EGFL8: variants seen among roughly 807,000 people sequenced by gnomAD.
EGFL8 encodes epidermal growth factor-like protein 8.
In EGFL8, 32 loss-of-function variants were observed where a neutral mutation model predicts 39.4. The observed-to-expected ratio is 0.81, with a 90% CI of 0.61 to 1.09. EGFL8 has a LOEUF of 1.09. Among genes scored for constraint, EGFL8 ranks in the 50% least tolerant of loss-of-function variants. The pLI is 0.00. For synonymous variants in EGFL8, 177 were observed against 168.5 expected, an observed-to-expected ratio of 1.05 and a Z score of -0.39; for missense variants, 385 against 402.2, an observed-to-expected ratio of 0.96 and a Z score of 0.37.
In EGFL8 at chr6:32,166,666, G is replaced by A. The variant is rs779034202; in HGVS notation, c.225-35G>A. The A allele has an allele frequency of 6.8e-6, 11 of 1,614,058 alleles. No homozygotes were observed. The highest frequency in any genetic ancestry group is 3.3e-5 in the Admixed American group (2 of 60,022). The stretch of plus-strand genomic sequence containing the variant: ...ACCCCAAGAACCCCAACTAGGACCC[G>A]TACTCAGGGTCCTGAGCCGGGCGCT... On this transcript the variant is annotated intron_variant, in intron 3 of 8. Transcript: ENST00000333845. The surrounding 1 kb of genome is among the most constrained non-coding windows in gnomAD (Gnocchi z 7.3).
At position 32,166,584 on chromosome 6, in the gene EGFL8, C is replaced by T. The variant is rs1384252206; in HGVS notation, c.188C>T (p.Thr63Ile). The T allele has an allele frequency of 1.9e-6, 3 of 1,614,092 alleles. No individual in the cohort carries two copies. The African/African-American group carries it at 4.0e-5, about 22-fold the overall frequency. Reference protein sequence around the residue: ...YSQPVYKPYLTLCAGRRICST... With the variant: ...YSQPVYKPYLILCAGRRICST... ...CAACCAGTGTACAAGCCCTACCTGACCTTGTGCGCTGGGAGGCGCATCTGC... is the reference window on the plus strand; with the variant it reads ...CAACCAGTGTACAAGCCCTACCTGATCTTGTGCGCTGGGAGGCGCATCTGC... Residue 63 changes from threonine (T) to isoleucine (I), a missense_variant, in exon 3 of 9, where the codon ACC becomes ATC. Transcript: ENST00000333845. The surrounding 1 kb of genome is among the most constrained non-coding windows in gnomAD (Gnocchi z 7.3).
In EGFL8 at chr6:32,168,029, C is replaced by A; in HGVS notation, c.*73C>A. The A allele has an allele frequency of 1.4e-6, 2 of 1,453,824 alleles. No individual in the cohort carries two copies. The highest frequency in any genetic ancestry group is 1.9e-6 in the Non-Finnish European group (2 of 1,035,382). The allele number at this position is 1,453,824 out of a possible 1,614,324, so 90.1% of individuals were successfully genotyped here. A position where few individuals can be genotyped will look rare whatever the true frequency, so the allele number is the denominator to read the frequency against. On this transcript the variant is annotated 3_prime_UTR_variant, in exon 9 of 9. Coordinates refer to ENST00000333845, the MANE Select transcript of EGFL8 (RefSeq NM_030652.4). The surrounding 1 kb of genome is among the most constrained non-coding windows in gnomAD (Gnocchi z 4.5). ...CCACTAATCCTCTGGGATTGGCCGA[C>A]TGTGAGCTGCAGATAAGGCTATCAG...
Position 32,166,238 on chromosome 6 carries a change from G to A in EGFL8, c.73G>A (p.Gly25Arg). The change falls in exon 2 of 9, where the codon GGG (glycine) becomes AGG (arginine). Residue 25 changes from glycine (G) to arginine (R), a missense_variant. Gly to Arg is a moderately radical substitution (Grantham distance 125). Coordinates refer to ENST00000333845, the MANE Select transcript of EGFL8 (RefSeq NM_030652.4). The surrounding 1 kb of genome is among the most constrained non-coding windows in gnomAD (Gnocchi z 7.3). Reference protein sequence around the residue: ...SFLLLLIPGEGAKGGSLRESQ... With the variant: ...SFLLLLIPGERAKGGSLRESQ... ...CCTCCTGCTACTGATACCAGGCGAG[G>A]GGGCCAAGGGTGGATCCCTCAGAGA... 1.2e-6 allele frequency: 2 copies of A among 1,614,108 alleles called. No individual in the cohort carries two copies. The highest frequency in any genetic ancestry group is 1.7e-6 in the Non-Finnish European group (2 of 1,179,996).
chr6:32,165,563 ACAAAAAAAAAAC>A (rs1784417888), intron 1 of EGFL8: 1 of 141,756 alleles, frequency 7.1e-6, no homozygotes, highest in African/African-American at 2.5e-5. Context: ...AAAAACAACA[ACAAAAAAAAAAC>A]CAAAAAAAAA....
Position 32,166,703 on chromosome 6 carries a change from C to G in EGFL8, c.227C>G (p.Thr76Ser). 6.2e-7 allele frequency: 1 copy of G among 1,609,332 alleles called. No individual in the cohort carries two copies. Among genetic ancestry groups the G allele is most frequent in the Non-Finnish European group, 8.5e-7 (1 of 1,176,740 alleles). The change falls in exon 4 of 9, where the codon ACC becomes AGC. Residue 76 changes from threonine (T) to serine (S), a missense_variant and splice_region_variant. Physicochemically the swap from Thr to Ser is moderately conservative, Grantham distance 58 (BLOSUM62 1). Coordinates refer to ENST00000333845, the MANE Select transcript of EGFL8 (RefSeq NM_030652.4). This position sits in a 1 kb window ranked among gnomAD's most constrained non-coding sequence, Gnocchi z 7.3. ...CTGAGCCGGGCGCTGTGTTCCAGGA[C>G]CATGTACCGCGTTATGTGGCGGGAG... ...AGRRICSTYR[T>S]MYRVMWREVR...
At position 32,168,010 on chromosome 6, in the gene EGFL8, A is replaced by C; in HGVS notation, c.*54A>C. 1.3e-6 allele frequency: 2 copies of C among 1,560,380 alleles called. No homozygotes were observed. Among genetic ancestry groups the C allele is most frequent in the Admixed American group, 1.7e-5 (1 of 59,624 alleles). On this transcript the variant is annotated 3_prime_UTR_variant, in exon 9 of 9. Coordinates refer to ENST00000333845, the MANE Select transcript of EGFL8 (RefSeq NM_030652.4). The surrounding 1 kb of genome is among the most constrained non-coding windows in gnomAD (Gnocchi z 4.5). ...ATTTATACAGAAACCGGACCCACTA[A>C]TCCTCTGGGATTGGCCGACTGTGAG...
chr6:32,166,019 G>A lies in EGFL8; in HGVS notation c.-28-119G>A, dbSNP rs942037934. ...TGTAGGCAATCCTGGTGGCTAGTAT[G>A]TAAAAGTGAATGTCCTGACTCCCTT... is the stretch of plus-strand genomic sequence containing the variant. On this transcript the variant is annotated intron_variant, in intron 1 of 8. Transcript: ENST00000333845. This position sits in a 1 kb window ranked among gnomAD's most constrained non-coding sequence, Gnocchi z 7.3. The A allele has an allele frequency of 5.3e-6, 4 of 750,154 alleles. No homozygotes were observed. Among genetic ancestry groups the A allele is most frequent in the African/African-American group, 3.4e-5 (2 of 58,000 alleles). 46.5% of individuals were successfully genotyped at this position (750,154 alleles called of 1,614,324 possible).
chr6:32,166,902 G>T lies in EGFL8; in HGVS notation c.335-8G>T. On this transcript the variant is annotated splice_polypyrimidine_tract_variant and splice_region_variant and intron_variant, in intron 4 of 8. Coordinates refer to ENST00000333845, the MANE Select transcript of EGFL8 (RefSeq NM_030652.4). This position sits in a 1 kb window ranked among gnomAD's most constrained non-coding sequence, Gnocchi z 7.3. ...TTTGAGTCTGAACCCCACTTCCTCT[G>T]TCCTCAGCCATCTGCGCCAAGCCTT... is the stretch of plus-strand genomic sequence containing the variant. 6.2e-7 allele frequency: 1 copy of T among 1,608,802 alleles called. No individual in the cohort carries two copies. Among genetic ancestry groups the T allele is most frequent in the Non-Finnish European group, 8.5e-7 (1 of 1,176,648 alleles).
Position 32,166,390 on chromosome 6 carries a change from G to C in EGFL8, c.102-108G>C. 1 of 1,596,912 alleles carries C rather than the reference G, an allele frequency of 6.3e-7. No individual in the cohort carries two copies. Among genetic ancestry groups the C allele is most frequent in the African/African-American group, 1.3e-5 (1 of 74,622 alleles). ...AATGGGGGTGAGAGGCTGTCATCTGGAGGGAGAGCGGGGGGCCTCAGTAGC... is the reference window on the plus strand; with the variant it reads ...AATGGGGGTGAGAGGCTGTCATCTGCAGGGAGAGCGGGGGGCCTCAGTAGC... On this transcript the variant is annotated intron_variant, in intron 2 of 8. Transcript: ENST00000333845. This position sits in a 1 kb window ranked among gnomAD's most constrained non-coding sequence, Gnocchi z 7.3.
chr6:32,166,965 C>G lies in EGFL8; in HGVS notation c.390C>G (p.Cys130Trp). The G allele has an allele frequency of 1.2e-6, 2 of 1,613,180 alleles. No individual in the cohort carries two copies. Among genetic ancestry groups the G allele is most frequent in the Non-Finnish European group, 1.7e-6 (2 of 1,179,962 alleles). Residue 130 changes from cysteine (C) to tryptophan (W), a missense_variant, in exon 5 of 9, where the codon TGC (cysteine) becomes TGG (tryptophan). Transcript: ENST00000333845. This position sits in a 1 kb window ranked among gnomAD's most constrained non-coding sequence, Gnocchi z 7.3. ...NGGVCVRPDQ[C>W]ECAPGWGGKH... Reference sequence around the variant, plus strand: ...GCGTCTGCGTTAGGCCTGACCAGTGCGAGTGCGCCCCCGGCTGGGGAGGGA... The same window carrying G: ...GCGTCTGCGTTAGGCCTGACCAGTGGGAGTGCGCCCCCGGCTGGGGAGGGA...
In EGFL8 at chr6:32,167,394, C is replaced by G. The variant is rs1219086265; in HGVS notation, c.646C>G (p.His216Asp). The G allele has an allele frequency of 1.9e-6, 3 of 1,612,932 alleles. No homozygotes were observed. The highest frequency in any genetic ancestry group is 2.5e-6 in the Non-Finnish European group (3 of 1,180,032). ...KDERALKQEI[H>D]ELRGRLERLE... ...TGAGCGCGCTCTGAAGCAGGAGATT[C>G]ACGAGCTGCGAGGGCGCCTGGAGCG... The change falls in exon 7 of 9, where the codon CAC (histidine) becomes GAC (aspartate). Residue 216 changes from histidine to aspartate, a missense_variant. Coordinates refer to ENST00000333845, the MANE Select transcript of EGFL8 (RefSeq NM_030652.4). This position sits in a 1 kb window ranked among gnomAD's most constrained non-coding sequence, Gnocchi z 6.4.
intron 1 of EGFL8, chr6:32,165,831 T>G: frequency 2.3e-6 from 1 of 435,176 alleles, no homozygotes; most frequent in Admixed American, 3.6e-5. Flanking sequence ...AGGAGGGTCA[T>G]AAGGGGAGGG....
Position 32,168,048 on chromosome 6 carries a change from C to CTA in EGFL8, c.*94_*95dup. 7.8e-7 allele frequency: 1 copy of CTA among 1,274,016 alleles called. No individual in the cohort carries two copies. The highest frequency in any genetic ancestry group is 1.1e-6 in the Non-Finnish European group (1 of 875,122). The allele number at this position is 1,274,016 out of a possible 1,614,324, so 78.9% of individuals were successfully genotyped here. A position where few individuals can be genotyped will look rare whatever the true frequency, so the allele number is the denominator to read the frequency against. ...GGCCGACTGTGAGCTGCAGATAAGG[C>CTA]TATCAGCCACCAAAGAGCAATGAAC... On this transcript the variant is annotated 3_prime_UTR_variant, in exon 9 of 9. Coordinates refer to ENST00000333845, the MANE Select transcript of EGFL8 (RefSeq NM_030652.4). The surrounding 1 kb of genome is among the most constrained non-coding windows in gnomAD (Gnocchi z 4.5).
chr6:32,165,394 A>C (rs1784405183), intron 1 of EGFL8: 1 of 151,302 alleles, frequency 6.6e-6, no homozygotes, highest in African/African-American at 2.4e-5. Flanking sequence ...TACTAAAAAT[A>C]CAAAACAAAA....
In EGFL8 at chr6:32,167,369, T is replaced by G; in HGVS notation, c.621T>G (p.Asp207Glu). 1 of 1,613,074 alleles carries G rather than the reference T, an allele frequency of 6.2e-7. No homozygotes were observed. Among genetic ancestry groups the G allele is most frequent in the Non-Finnish European group, 8.5e-7 (1 of 1,180,030 alleles). Reference sequence around the variant, plus strand: ...CCCTAGTTCGGGAGGCGGAAAAAGATGAGCGCGCTCTGAAGCAGGAGATTC... The same window carrying G: ...CCCTAGTTCGGGAGGCGGAAAAAGAGGAGCGCGCTCTGAAGCAGGAGATTC... Reference protein sequence around the residue: ...LSVAVREAEKDERALKQEIHE... With the variant: ...LSVAVREAEKEERALKQEIHE... The change falls in exon 7 of 9, where the codon GAT (aspartate) becomes GAG (glutamate). Residue 207 changes from aspartate (D) to glutamate (E), a missense_variant. Transcript: ENST00000333845. This position sits in a 1 kb window ranked among gnomAD's most constrained non-coding sequence, Gnocchi z 6.4.
Position 32,168,177 on chromosome 6 carries a change from C to G in EGFL8, c.*221C>G, listed in dbSNP as rs1784721257. ...GTTGCCTGGGCAAGAACTGCTTCTT[C>G]AATTCCTTAACAAATGCAACCACCA... On this transcript the variant is annotated 3_prime_UTR_variant, in exon 9 of 9. Coordinates refer to ENST00000333845, the MANE Select transcript of EGFL8 (RefSeq NM_030652.4). The surrounding 1 kb of genome is among the most constrained non-coding windows in gnomAD (Gnocchi z 4.5). 3.9e-6 allele frequency: 2 copies of G among 507,340 alleles called. No homozygotes were observed. Among genetic ancestry groups the G allele is most frequent in the East Asian group, 5.9e-5 (2 of 33,644 alleles). The allele number at this position is 507,340 out of a possible 1,614,324, so 31.4% of individuals were successfully genotyped here.
At position 32,167,306 on chromosome 6, in the gene EGFL8, C is replaced by T. The variant is rs757911723; in HGVS notation, c.602-44C>T. 23 of 1,612,424 alleles carry T rather than the reference C, an allele frequency of 1.4e-5. No homozygotes were observed. Among genetic ancestry groups the T allele is most frequent in the African/African-American group, 2.7e-5 (2 of 74,940 alleles). On this transcript the variant is annotated intron_variant, in intron 6 of 8. Coordinates refer to ENST00000333845, the MANE Select transcript of EGFL8 (RefSeq NM_030652.4). This position sits in a 1 kb window ranked among gnomAD's most constrained non-coding sequence, Gnocchi z 6.4. Reference sequence around the variant, plus strand: ...ACCCGAGGGACTCGGGACGGGCGTCCGGGCTCGGGTAGTGGTCACACTCTT... The same window carrying T: ...ACCCGAGGGACTCGGGACGGGCGTCTGGGCTCGGGTAGTGGTCACACTCTT...
chr6:32,166,280 G>A lies in EGFL8; in HGVS notation c.101+14G>A, dbSNP rs755721565. 1.9e-6 allele frequency: 3 copies of A among 1,613,690 alleles called. No homozygotes were observed. The highest frequency in any genetic ancestry group is 2.5e-6 in the Non-Finnish European group (3 of 1,179,770). ...CCTCAGAGAGAGGTGACAACAGAGG[G>A]GGTAGGGCCCGGGGTGAGCTCTTCT... On this transcript the variant is annotated intron_variant, in intron 2 of 8. Coordinates refer to ENST00000333845, the MANE Select transcript of EGFL8 (RefSeq NM_030652.4). The surrounding 1 kb of genome is among the most constrained non-coding windows in gnomAD (Gnocchi z 7.3).
At position 32,166,510 on chromosome 6, in the gene EGFL8, C is replaced by T. The variant is rs919294715; in HGVS notation, c.114C>T (p.Cys38=). ...GGSLRESQGV[C]SKQTLVVPLH... ...GGCATGGACGCAGTCAGGGAGTCTG[C>T]TCCAAGCAGACACTGGTGGTCCCGC... Residue 38 remains cysteine (C), a synonymous_variant, in exon 3 of 9, where the codon TGC becomes TGT. Coordinates refer to ENST00000333845, the MANE Select transcript of EGFL8 (RefSeq NM_030652.4). The surrounding 1 kb of genome is among the most constrained non-coding windows in gnomAD (Gnocchi z 7.3). 1 of 1,613,646 alleles carries T rather than the reference C, an allele frequency of 6.2e-7. No homozygotes were observed. The highest frequency in any genetic ancestry group is 1.3e-5 in the African/African-American group (1 of 75,034).
Sources: gnomAD v4.1 joint callset for allele counts on GRCh38, gnomAD v4.1.1 for gene constraint, Gnocchi (gnomAD v3.1) non-coding constraint, MANE v1.5 for transcripts, NCBI Gene and HGNC (gene_info 2026-07-23, HGNC 2026-07-21) for gene names.